Variants in UROC1 observed in about 807,000 individuals in gnomAD.
UROC1 encodes urocanate hydratase 1, also known as urocanate hydratase.
UROC1 carries 79 observed loss-of-function variants against 89.5 expected under a neutral mutation model. That is an observed-to-expected ratio of 0.88 (90% confidence interval 0.74 to 1.06). The LOEUF (loss-of-function observed/expected upper bound fraction) is 1.06, where lower values mean the gene tolerates loss of function less well. Among genes scored for constraint, UROC1 ranks in the 50% least tolerant of loss-of-function variants. The pLI is 0.00. For synonymous variants in UROC1, 361 were observed against 354.8 expected, an observed-to-expected ratio of 1.02 and a Z score of -0.20; for missense variants, 885 against 907.8, an observed-to-expected ratio of 0.97 and a Z score of 0.32.
Position 126,500,821 on chromosome 3 carries a change from C to A in UROC1, c.1019G>T (p.Gly340Val). The change falls in exon 11 of 20, where the codon GGG (glycine) becomes GTG (valine). Residue 340 changes from glycine to valine, a missense_variant. Coordinates refer to ENST00000290868, the MANE Select transcript of UROC1 (RefSeq NM_144639.3). ...GTTGTGGCAGGATGTCTGATCTGAC[C>A]CCAGGTCCACCAAGCACTCCCCCGT... ...DTTGECLVDL[G>V]SDQTSCHNPF... 6.2e-7 allele frequency: 1 copy of A among 1,613,934 alleles called. No homozygotes were observed. Among genetic ancestry groups the A allele is most frequent in the Non-Finnish European group, 8.5e-7 (1 of 1,180,020 alleles).
intron 9 of UROC1, among the ~76,000 whole-genome samples, chr3:126,503,037 G>A (rs1935975134): frequency 6.6e-6 from 1 of 151,070 alleles, no homozygotes; most frequent in African/African-American, 2.4e-5. Context: ...GTGCGTTTAT[G>A]TGTGTGTGTG....
In UROC1 at chr3:126,499,378, C is replaced by T. The variant is rs748884102; in HGVS notation, c.1275G>A (p.Arg425=). 1.2e-6 allele frequency: 2 copies of T among 1,612,694 alleles called. No individual in the cohort carries two copies. Among genetic ancestry groups the T allele is most frequent in the East Asian group, 2.2e-5 (1 of 44,868 alleles). The change falls in exon 13 of 20, where the codon AGG becomes AGA. Residue 425 remains arginine, a synonymous_variant. Coordinates refer to ENST00000290868, the MANE Select transcript of UROC1 (RefSeq NM_144639.3). ...GADVEKKGAG[R]TEFRYPSYVQ... ...CATAGGAAGGGTAGCGGAACTCTGT[C>T]CTGCCAGCACCTTTCTTCTCCACAT...
intron 18 of UROC1, 99 bp downstream of exon 18, chr3:126,488,099 T>C (rs966006766): frequency 1.5e-6 from 2 of 1,293,148 alleles, no homozygotes; most frequent in African/African-American, 2.9e-5. Flanking sequence ...ACCAGGGAGG[T>C]AGGGCCCAGG....
intron 15 of UROC1, among the ~76,000 whole-genome samples, chr3:126,493,277 C>T (rs57368003): frequency 9.9e-5 from 15 of 152,272 alleles, no homozygotes; most frequent in African/African-American, 2.6e-4. Context: ...CAACGGCCCC[C>T]GTGATGAAGA....
intron 11 of UROC1, 63 bp from the exon 12 acceptor site, chr3:126,500,217 C>T: frequency 6.6e-7 from 1 of 1,524,840 alleles, no homozygotes; most frequent in South Asian, 1.1e-5. Context: ...AATGTGGCAC[C>T]CTCAGTCGCA....
At chr3:126,510,832 C>T in intron 1 of UROC1, 38 bp from the exon 2 acceptor site, 1 of 1,605,152 alleles carries the variant, frequency 6.2e-7, no homozygotes, top group Non-Finnish European at 8.5e-7. Context: ...GGGGCTGGGA[C>T]TCCAGGCCCG....
Position 126,499,231 on chromosome 3 carries a change from C to T in UROC1, c.1316+106G>A, listed in dbSNP as rs372958450. The T allele has an allele frequency of 6.0e-4, 734 of 1,224,414 alleles. 12 individuals are homozygous for T. In the South Asian group the frequency reaches 8.8e-3, roughly 15 times the overall value. 75.8% of individuals were successfully genotyped at this position (1,224,414 alleles called of 1,614,324 possible). On this transcript the variant is annotated intron_variant, in intron 13 of 19. Coordinates refer to ENST00000290868, the MANE Select transcript of UROC1 (RefSeq NM_144639.3). ...AGGTCTCAGCGCATGACCTCAGGGGCGGTCAGAGGCTGAAGCTTCTCCAAC... is the reference window on the plus strand; with the variant it reads ...AGGTCTCAGCGCATGACCTCAGGGGTGGTCAGAGGCTGAAGCTTCTCCAAC...
rs759925217 is a variant in UROC1 at position 126,505,936 on chromosome 3, A to G, written c.669+9T>C. The G allele has an allele frequency of 1.4e-6, 2 of 1,429,956 alleles. No individual in the cohort carries two copies. The highest frequency in any genetic ancestry group is 1.9e-6 in the Non-Finnish European group (2 of 1,075,244). 88.6% of individuals were successfully genotyped at this position (1,429,956 alleles called of 1,614,324 possible). ...GAAGCCCACAGCCAGGCGTGGCCCC[A>G]TCTCTCACCACAGTGCCATGAACGA... On this transcript the variant is annotated intron_variant, in intron 7 of 19. Transcript: ENST00000290868.
chr3:126,491,858 C>A (rs947468385), intron 16 of UROC1, among the ~76,000 whole-genome samples: 1 of 152,172 alleles, frequency 6.6e-6, no homozygotes, highest in African/African-American at 2.4e-5. Context: ...AATCCTCACA[C>A]ACATGCTTTT....
rs1560131464 is a variant in UROC1, at chr3:126,517,712, C to G, written c.8G>C (p.Ser3Thr). The G allele has an allele frequency of 6.3e-7, 1 of 1,577,818 alleles. No homozygotes were observed. The highest frequency in any genetic ancestry group is 1.1e-5 in the South Asian group (1 of 87,112). Residue 3 changes from serine (S) to threonine (T), a missense_variant, in exon 1 of 20, where the codon AGC (serine) becomes ACC (threonine). Transcript: ENST00000290868. MSSLQALCSGLPL... is the reference protein window; with the variant it reads MSTLQALCSGLPL... The stretch of plus-strand genomic sequence containing the variant: ...CAGGCCAGAGCACAGCGCCTGGAGG[C>G]TAGACATGTGTGACTGAGATGGAGG...
chr3:126,509,810 A>G, intron 2 of UROC1, 132 bp from the exon 3 acceptor site: 1 of 864,110 alleles, frequency 1.2e-6, no homozygotes, highest in South Asian at 1.4e-5. Flanking sequence ...CTAGGAACGT[A>G]CAGTGGGGGC....
chr3:126,497,396 C>A (rs892268297), intron 14 of UROC1, among the ~76,000 whole-genome samples: 2 of 152,246 alleles, frequency 1.3e-5, no homozygotes, highest in South Asian at 4.1e-4. Flanking sequence ...AAAACCCAGG[C>A]AGGCCATGTA....
chr3:126,509,549 T>G (rs1174604727), intron 3 of UROC1, 36 bp downstream of exon 3: 2 of 1,513,394 alleles, frequency 1.3e-6, no homozygotes, highest in South Asian at 2.4e-5. Flanking sequence ...CTGTTTCTGC[T>G]GGACAGTGCT....
At chr3:126,505,880 C>T (rs765794801) in intron 7 of UROC1, 36 bp from the exon 8 acceptor site, 4 of 1,610,160 alleles carry the variant, frequency 2.5e-6, no homozygotes, top group Non-Finnish European at 3.4e-6. Flanking sequence ...ACTGCCCACT[C>T]CCAGCCCGCC....
At chr3:126,485,214 A>T (rs1235043439) in intron 18 of UROC1, among the ~76,000 whole-genome samples, 1 of 152,246 alleles carries the variant, frequency 6.6e-6, no homozygotes, top group Non-Finnish European at 1.5e-5. Flanking sequence ...GGCCTTGCAC[A>T]TGTTAACACT....
intron 13 of UROC1, 124 bp from the exon 14 acceptor site, chr3:126,498,296 T>A: frequency 6.5e-7 from 1 of 1,544,318 alleles, no homozygotes; most frequent in Admixed American, 1.7e-5. Context: ...CCCTAAGCTG[T>A]CATTGGACAG....
chr3:126,501,390 G>A, intron 9 of UROC1, 110 bp from the exon 10 acceptor site: 4 of 1,356,634 alleles, frequency 2.9e-6, no homozygotes, highest in Non-Finnish European at 3.1e-6. Flanking sequence ...GCCACCAGAG[G>A]TGTTGTGTGC....
Position 126,484,474 on chromosome 3 carries a change from T to C in UROC1, c.1791-1006A>G, listed in dbSNP as rs1465870623. 2.6e-5 allele frequency among the ~76,000 whole-genome samples: 4 copies of C among 152,242 alleles called. 1 individual carries two copies. Among genetic ancestry groups the C allele is most frequent in the South Asian group, 4.1e-4 (2 of 4,830 alleles). ...TGCCTCTTATTCCTCACTTGCAGTA[T>C]ATCTGTTCCTTTTTCTTCCAGCATG... On this transcript the variant is annotated intron_variant, in intron 18 of 19. Coordinates refer to ENST00000290868, the MANE Select transcript of UROC1 (RefSeq NM_144639.3).
rs979729044 is a variant in UROC1 at position 126,508,231 on chromosome 3, C to A, written c.412-136G>T. On this transcript the variant is annotated intron_variant, in intron 4 of 19. Transcript: ENST00000290868. The stretch of plus-strand genomic sequence containing the variant: ...TCCACTCCAGTGGCCCTGGTGCCTC[C>A]CTCAACACCACCTCGCCCATTCCTA... 5 of 1,517,478 alleles carry A rather than the reference C, an allele frequency of 3.3e-6. No homozygotes were observed. In the African/African-American group the frequency reaches 6.9e-5, roughly 21 times the overall value. The allele number at this position is 1,517,478 out of a possible 1,614,324, so 94.0% of individuals were successfully genotyped here.
Sources: gnomAD v4.1 joint callset for allele counts (sites outside exome capture counted in the v4.1 genomes callset) on GRCh38, gnomAD v4.1.1 for gene constraint, MANE v1.5 for transcripts, NCBI Gene and HGNC (gene_info 2026-07-23, HGNC 2026-07-21) for gene names.